RAP1A: variants seen among roughly 807,000 people sequenced by gnomAD.
The protein encoded by RAP1A is RAP1A, member of RAS oncogene family, also known as ras-related protein Rap-1A.
RAP1A carries 6 observed loss-of-function variants against 26.4 expected under a neutral mutation model. That is an observed-to-expected ratio of 0.23 (90% CI 0.12 to 0.45). The LOEUF (loss-of-function observed/expected upper bound fraction) is 0.45. RAP1A is among the 20% of genes least tolerant of loss of function. The pLI is 0.99. For synonymous variants in RAP1A, 73 were observed against 79.4 expected (o/e 0.92, Z 0.43); for missense variants, 121 against 217.2 (o/e 0.56, Z 2.78).
At chr1:111,656,695 C>G (rs2101148249) in intron 1 of RAP1A, among the ~76,000 whole-genome samples, 1 of 152,140 alleles carries the variant, frequency 6.6e-6, no homozygotes, top group African/African-American at 2.4e-5. Flanking sequence ...CTCTTTATCC[C>G]AAGAAACTAT....
chr1:111,624,234 T>C (rs1379415408), intron 1 of RAP1A, among the ~76,000 whole-genome samples: 1 of 152,240 alleles, frequency 6.6e-6, no homozygotes, highest in Non-Finnish European at 1.5e-5. Flanking sequence ...CAGATTCATA[T>C]CTTATGAAAA....
Position 111,543,887 on chromosome 1 carries a change from G to A in RAP1A, c.-28+1378G>A, listed in dbSNP as rs1031261104. 1.6e-4 allele frequency among the ~76,000 whole-genome samples: 24 copies of A among 152,308 alleles called. 1 individual carries two copies. The highest frequency in any genetic ancestry group is 5.8e-4 in the African/African-American group (24 of 41,570). ...AAAGGATTGGGCCTTCTCAGAGAGA[G>A]AGTAGACAATGATAGGCAAAGATGG... On this transcript the variant is annotated intron_variant, in intron 1 of 7. Transcript: ENST00000356415.
chr1:111,582,492 T>C (rs1303821684), intron 1 of RAP1A, among the ~76,000 whole-genome samples: 1 of 152,220 alleles, frequency 6.6e-6, no homozygotes, highest in African/African-American at 2.4e-5. Context: ...TTAGTAAATC[T>C]TTTTCTTTCC....
intron 1 of RAP1A, among the ~76,000 whole-genome samples, chr1:111,688,822 G>GTTTTTTTTTTTTTTTTTTTTTTTTT (rs767753356): frequency 2.2e-5 from 2 of 90,062 alleles, no homozygotes; most frequent in South Asian, 3.4e-4. Flanking sequence ...TTTTTTTTTT[G>GTTTTTTTTTTTTTTTTTTTTTTTTT]TTTTTTTTTT....
intron 1 of RAP1A, among the ~76,000 whole-genome samples, chr1:111,575,944 A>G (rs1211774837): frequency 2.0e-5 from 3 of 152,240 alleles, no homozygotes; most frequent in Admixed American, 2.0e-4. Context: ...ACTGAAAAAT[A>G]TATAATACAC....
chr1:111,563,574 G>A (rs936912066), intron 1 of RAP1A, among the ~76,000 whole-genome samples: 2 of 152,104 alleles, frequency 1.3e-5, no homozygotes, highest in Non-Finnish European at 2.9e-5. Context: ...GTGTAGGGTA[G>A]GTAGACAAGA....
intron 1 of RAP1A, among the ~76,000 whole-genome samples, chr1:111,576,177 G>A (rs781638295): frequency 2.6e-5 from 4 of 152,118 alleles, no homozygotes; most frequent in Admixed American, 6.5e-5. Flanking sequence ...GTGGGTCTAC[G>A]GTCTGCATTT....
intron 1 of RAP1A, among the ~76,000 whole-genome samples, chr1:111,667,216 A>G (rs1213337063): frequency 2.0e-5 from 3 of 152,298 alleles, no homozygotes; most frequent in African/African-American, 7.2e-5. Flanking sequence ...TGCTCAGGTC[A>G]TTCTGACACT....
At chr1:111,676,312 T>G (rs979314065) in intron 1 of RAP1A, among the ~76,000 whole-genome samples, 2 of 152,028 alleles carry the variant, frequency 1.3e-5, no homozygotes, top group Non-Finnish European at 2.9e-5. Flanking sequence ...GCCGAGATCA[T>G]GCCACTCAAG....
In RAP1A at chr1:111,575,616, T is replaced by C. The variant is rs111750526; in HGVS notation, c.-28+33107T>C. Among the ~76,000 whole-genome samples, 1,346 of 152,226 alleles carry C rather than the reference T, an allele frequency of 8.8e-3. 15 individuals are homozygous for C. The highest frequency in any genetic ancestry group is 0.03 in the African/African-American group (1,263 of 41,524). The stretch of plus-strand genomic sequence containing the variant: ...ATACCTCCAAGTGTCCTTATAGGAA[T>C]TGGAAATATTGACACAGAGACACCA... On this transcript the variant is annotated intron_variant, in intron 1 of 7. Coordinates refer to the RAP1A transcript ENST00000356415.
chr1:111,630,428 A>G (rs74672300), intron 1 of RAP1A, among the ~76,000 whole-genome samples: 3 of 152,320 alleles, frequency 2.0e-5, no homozygotes, highest in Non-Finnish European at 4.4e-5. Context: ...GGAACCACAG[A>G]TTTAGCAGTG....
chr1:111,590,901 A>G (rs1375454993), intron 1 of RAP1A, among the ~76,000 whole-genome samples: 1 of 152,212 alleles, frequency 6.6e-6, no homozygotes, highest in Non-Finnish European at 1.5e-5. Context: ...CCAGCACTAT[A>G]AAATAAGTTA....
At chr1:111,628,865 A>G (rs1659479545) in intron 1 of RAP1A, among the ~76,000 whole-genome samples, 1 of 152,174 alleles carries the variant, frequency 6.6e-6, no homozygotes, top group Admixed American at 6.5e-5. Flanking sequence ...TAAAAATTGA[A>G]GGATAAAACA....
At chr1:111,650,680 T>G (rs1005938303) in intron 1 of RAP1A, 1 of 152,224 alleles carries the variant, frequency 6.6e-6, no homozygotes, top group Admixed American at 6.5e-5. Flanking sequence ...AGCTGATGAA[T>G]GTACATTGAC....
Position 111,568,584 on chromosome 1 carries a change from C to G in RAP1A, c.-28+26075C>G, listed in dbSNP as rs553553805. On this transcript the variant is annotated intron_variant, in intron 1 of 7. Transcript: ENST00000356415. ...AAATGAACATCCCAACCATATCAATCACAGCTAGCTAATGATTCTTTGCTC... is the reference window on the plus strand; with the variant it reads ...AAATGAACATCCCAACCATATCAATGACAGCTAGCTAATGATTCTTTGCTC... 3.3e-5 allele frequency among the ~76,000 whole-genome samples: 5 copies of G among 152,326 alleles called. No individual in the cohort carries two copies. In the South Asian group the frequency reaches 8.3e-4, roughly 25 times the overall value.
intron 1 of RAP1A, chr1:111,604,401 G>A (rs1170794667): frequency 6.6e-6 from 1 of 152,196 alleles, no homozygotes; most frequent in Non-Finnish European, 1.5e-5. Context: ...GCCATGCTTT[G>A]ATCCAAATTC....
chr1:111,697,604 A>G lies in RAP1A; in HGVS notation c.183+107A>G, dbSNP rs1390926397. On this transcript the variant is annotated intron_variant, in intron 4 of 7. Transcript: ENST00000369709. ...ATTCTGAGTAAAAGTAATCATTCTG[A>G]TTAAGAAGAAATTCTCTGAACATAG... 2.0e-6 allele frequency: 3 copies of G among 1,534,352 alleles called. No homozygotes were observed. The Admixed American group carries it at 6.7e-5, about 34-fold the overall frequency.
At chr1:111,673,678 G>A (rs953948213) in intron 1 of RAP1A, among the ~76,000 whole-genome samples, 2 of 152,158 alleles carry the variant, frequency 1.3e-5, no homozygotes, top group Non-Finnish European at 2.9e-5. Context: ...GTGCTGTGTC[G>A]GGAGTGCAGG....
At position 111,544,705 on chromosome 1, in the gene RAP1A, T is replaced by G. The variant is rs114732168; in HGVS notation, c.-28+2196T>G. On this transcript the variant is annotated intron_variant, in intron 1 of 7. Transcript: ENST00000356415. ...TGCGTGAACATATGTTTTTGAATTA[T>G]ACATTCAAAACGTACATGAACATCC... Among the ~76,000 whole-genome samples the G allele has an allele frequency of 5.9e-3, 904 of 152,276 alleles. 6 individuals are homozygous for G. Among genetic ancestry groups the G allele is most frequent in the Middle Eastern group, 0.014 (4 of 294 alleles).
Sources: gnomAD v4.1 joint callset for allele counts (sites outside exome capture counted in the v4.1 genomes callset) on GRCh38, gnomAD v4.1.1 for gene constraint, MANE v1.5 for transcripts, NCBI Gene and HGNC (gene_info 2026-07-23, HGNC 2026-07-21) for gene names.